Variants in PCSK5 observed in about 807,000 individuals in gnomAD.
PCSK5 encodes the protein prohormone convertase 5.
Under a neutral mutation model 233.2 loss-of-function variants are expected in PCSK5, and 129 were observed. That is an observed-to-expected ratio of 0.55 (90% CI 0.48 to 0.64). The LOEUF is 0.64. PCSK5 is among the 30% of genes least tolerant of loss of function. The probability of loss-of-function intolerance (pLI) is 0.00; values close to 1 mark genes in which losing one functional copy is unlikely to be tolerated. For missense variants in PCSK5, 2,076 were observed against 2,430.1 expected (o/e 0.85, Z 3.06); for synonymous variants, 825 against 879.2 (o/e 0.94, Z 1.09).
intron 12 of PCSK5, among the ~76,000 whole-genome samples, chr9:76,165,345 A>T (rs1416439106): frequency 6.6e-6 from 1 of 152,214 alleles, no homozygotes; most frequent in East Asian, 1.9e-4. Context: ...TAATTATATG[A>T]TAACACATAG....
intron 13 of PCSK5, among the ~76,000 whole-genome samples, chr9:76,170,155 C>T (rs1306690081): frequency 6.6e-6 from 1 of 152,168 alleles, no homozygotes; most frequent in South Asian, 2.1e-4. Context: ...CCAGCCTGTC[C>T]ACCGGCACTG....
chr9:75,993,953 A>G (rs1826884795), intron 3 of PCSK5, among the ~76,000 whole-genome samples: 1 of 152,210 alleles, frequency 6.6e-6, no homozygotes, highest in South Asian at 2.1e-4. Flanking sequence ...GCAGGTGTTC[A>G]TAATAAACCA....
chr9:75,918,692 C>T (rs572524659), intron 1 of PCSK5, among the ~76,000 whole-genome samples: 5 of 152,252 alleles, frequency 3.3e-5, no homozygotes, highest in South Asian at 4.1e-4. Context: ...TGGAAAGCAG[C>T]ACTTTACTAG....
chr9:76,095,855 C>T, intron 7 of PCSK5, 35 bp from the exon 8 acceptor site: 1 of 1,588,816 alleles, frequency 6.3e-7, no homozygotes, highest in East Asian at 2.2e-5. Flanking sequence ...AGAGTCATTT[C>T]ACACCATCAT....
intron 2 of PCSK5, among the ~76,000 whole-genome samples, chr9:75,955,371 T>C (rs930535753): frequency 6.6e-6 from 1 of 152,176 alleles, no homozygotes; most frequent in Admixed American, 6.5e-5. Context: ...GCTTGCCTTC[T>C]CCTACCCTTT....
chr9:75,892,153 G>A (rs369631443), intron 1 of PCSK5, among the ~76,000 whole-genome samples: 1 of 152,314 alleles, frequency 6.6e-6, no homozygotes, highest in Admixed American at 6.5e-5. Context: ...GCCGTGGGGC[G>A]AGAGTTGGGC....
chr9:76,094,266 G>T (rs1831416081), intron 7 of PCSK5, among the ~76,000 whole-genome samples: 1 of 151,610 alleles, frequency 6.6e-6, no homozygotes, highest in African/African-American at 2.4e-5. Flanking sequence ...TCTTTTTCCA[G>T]AAATTCTAAG....
chr9:76,296,746 G>A lies in PCSK5; in HGVS notation c.3404G>A (p.Cys1135Tyr). The change falls in exon 27 of 38, where the codon TGC becomes TAC. Residue 1135 changes from cysteine (C) to tyrosine (Y), a missense_variant. Transcript: ENST00000674117. ...MGECESCHRA[C>Y]ETCTGPGHDE... ...GAATGTGAGTCCTGCCACCGAGCATGCGAAACCTGCACAGGCCCTGGTCAT... is the reference window on the plus strand; with the variant it reads ...GAATGTGAGTCCTGCCACCGAGCATACGAAACCTGCACAGGCCCTGGTCAT... 1 of 1,612,406 alleles carries A rather than the reference G, an allele frequency of 6.2e-7. No individual in the cohort carries two copies. Among genetic ancestry groups the A allele is most frequent in the Non-Finnish European group, 8.5e-7 (1 of 1,179,482 alleles).
At chr9:75,945,107 C>G (rs1239774917) in intron 2 of PCSK5, among the ~76,000 whole-genome samples, 3 of 151,010 alleles carry the variant, frequency 2.0e-5, no homozygotes, top group Non-Finnish European at 4.4e-5. Context: ...GAAATTCCAT[C>G]TCAAAAAATA....
intron 1 of PCSK5, among the ~76,000 whole-genome samples, chr9:75,896,666 A>C (rs974718474): frequency 1.3e-5 from 2 of 152,224 alleles, no homozygotes; most frequent in Non-Finnish European, 2.9e-5. Flanking sequence ...TGGCTGGTAA[A>C]AATAAATGCT....
At chr9:76,213,082 TCCACAGAAGTGA>T (rs746403520) in intron 20 of PCSK5, among the ~76,000 whole-genome samples, 25 of 152,224 alleles carry the variant, frequency 1.6e-4, no homozygotes, top group Admixed American at 5.2e-4. Flanking sequence ...CATTGTCATT[TCCACAGAAGTGA>T]CTAAGCCCCA....
intron 7 of PCSK5, 128 bp from the exon 8 acceptor site, chr9:76,095,762 G>A: frequency 2.6e-6 from 2 of 758,268 alleles, no homozygotes; most frequent in Non-Finnish European, 4.5e-6. Flanking sequence ...CCCAGAAGCT[G>A]CTTAAGCCCA....
In PCSK5 at chr9:76,052,634, G is replaced by GCCAAA. The variant is rs534712888; in HGVS notation, c.633-15317_633-15313dup. Reference sequence around the variant, plus strand: ...AAGATGAGATTTGGGTGGGGACACAGCCAAACCATATCATTCTGTCCCTGG... The same window carrying GCCAAA: ...AAGATGAGATTTGGGTGGGGACACAGCCAAACCAAACCATATCATTCTGTCCCTGG... On this transcript the variant is annotated intron_variant, in intron 5 of 37. Transcript: ENST00000674117. 2.9e-3 allele frequency among the ~76,000 whole-genome samples: 446 copies of GCCAAA among 152,258 alleles called. 2 individuals carry two copies. Among genetic ancestry groups the GCCAAA allele is most frequent in the African/African-American group, 0.01 (421 of 41,550 alleles).
chr9:76,230,347 G>C (rs1826038125), intron 21 of PCSK5, among the ~76,000 whole-genome samples: 1 of 152,224 alleles, frequency 6.6e-6, no homozygotes, highest in Non-Finnish European at 1.5e-5. Context: ...TTATGTGATT[G>C]ATATGTTCCT....
intron 3 of PCSK5, among the ~76,000 whole-genome samples, chr9:76,022,047 C>G (rs1563977692): frequency 6.6e-6 from 1 of 152,218 alleles, no homozygotes; most frequent in African/African-American, 2.4e-5. Context: ...CAGACCAACT[C>G]CTTCTCACAT....
chr9:76,285,561 G>A (rs942192440), intron 24 of PCSK5, among the ~76,000 whole-genome samples: 2 of 152,144 alleles, frequency 1.3e-5, no homozygotes, highest in Non-Finnish European at 2.9e-5. Context: ...GGTAGGGGGG[G>A]AGTCTGGCTT....
At chr9:75,967,015 G>C (rs1192499801) in intron 2 of PCSK5, among the ~76,000 whole-genome samples, 1 of 152,180 alleles carries the variant, frequency 6.6e-6, no homozygotes, top group Admixed American at 6.5e-5. Context: ...AAGGGGGGAA[G>C]GAGGTAATCC....
At chr9:76,005,416 T>C (rs190395197) in intron 3 of PCSK5, among the ~76,000 whole-genome samples, 164 of 152,308 alleles carry the variant, frequency 1.1e-3, no homozygotes, top group Non-Finnish European at 1.9e-3. Context: ...ATAAAACATA[T>C]GGTTCAAAGT....
In PCSK5 at chr9:76,193,238, A is replaced by G. The variant is rs776830694; in HGVS notation, c.2626+3492A>G. 6 of 1,613,036 alleles carry G rather than the reference A, an allele frequency of 3.7e-6. No individual in the cohort carries two copies. In the South Asian group the frequency reaches 5.5e-5, roughly 15 times the overall value. ...CTCTCTTGCTGACTTCTGGAAAAGC[A>G]ACGGAAGAGTCCTGGGCGGAAGGAG... On this transcript the variant is annotated intron_variant, in intron 20 of 37. Transcript: ENST00000674117.
Sources: allele counts gnomAD v4.1 joint callset (sites outside exome capture counted in the v4.1 genomes callset), GRCh38; gene constraint gnomAD v4.1.1; transcripts MANE v1.5; gene names NCBI Gene and HGNC (gene_info 2026-07-23, HGNC 2026-07-21).